Variants in RALGPS2 observed in about 807,000 individuals in gnomAD.
RALGPS2 encodes Ral GEF with PH domain and SH3 binding motif 2, also known as ras-specific guanine nucleotide-releasing factor RalGPS2.
RALGPS2 carries 43 observed loss-of-function variants against 86.8 expected under a neutral mutation model. The ratio of observed to expected loss-of-function variants is 0.50; its 90% CI spans 0.39 to 0.64. The LOEUF is 0.64. Among genes scored for constraint, RALGPS2 ranks in the 30% least tolerant of loss-of-function variants. RALGPS2 has a pLI of 0.00. For synonymous variants in RALGPS2, 243 were observed against 231.3 expected, an observed-to-expected ratio of 1.05 and a Z score of -0.46; for missense variants, 536 against 694.6, an observed-to-expected ratio of 0.77 and a Z score of 2.57.
chr1:178,895,520 C>T (rs185541191), intron 16 of RALGPS2, among the ~76,000 whole-genome samples: 164 of 152,126 alleles, frequency 1.1e-3, no homozygotes, highest in African/African-American at 3.6e-3. Context: ...AGGGATGCCA[C>T]CATGGCAAAA....
chr1:178,776,939 C>T (rs1572320586), intron 2 of RALGPS2, 118 bp downstream of exon 2: 19 of 742,302 alleles, frequency 2.6e-5, no homozygotes, highest in African/African-American at 3.7e-5. Context: ...ATACACATTT[C>T]CTTTTTTTTT....
At chr1:178,798,864 G>A (rs777270105) in intron 4 of RALGPS2, among the ~76,000 whole-genome samples, 1 of 152,248 alleles carries the variant, frequency 6.6e-6, no homozygotes, top group African/African-American at 2.4e-5. Flanking sequence ...AGTATCTAAA[G>A]CTGGAGAATT....
intron 8 of RALGPS2, among the ~76,000 whole-genome samples, chr1:178,861,949 T>G (rs998715895): frequency 2.0e-5 from 3 of 152,004 alleles, no homozygotes; most frequent in Non-Finnish European, 2.9e-5. Context: ...CTCGGCTCAC[T>G]GCAACCTCCG....
At chr1:178,902,381 G>T (rs775514849) in intron 18 of RALGPS2, among the ~76,000 whole-genome samples, 170 bp downstream of exon 18, 6 of 152,058 alleles carry the variant, frequency 3.9e-5, no homozygotes, top group Admixed American at 6.6e-5. Flanking sequence ...GAAAGTATTT[G>T]TGTAGTTTTA....
intron 8 of RALGPS2, among the ~76,000 whole-genome samples, chr1:178,833,848 A>ATAGTT (rs1447744209): frequency 2.6e-5 from 4 of 152,132 alleles, no homozygotes; most frequent in Non-Finnish European, 4.4e-5. Context: ...AAAGAATATA[A>ATAGTT]TAGTTCGTAA....
Position 178,916,432 on chromosome 1 carries a change from T to C in RALGPS2, c.*73T>C. ...GAGGACCTGATAAAAGAGCGCCAGC[T>C]ATAAACCATCCTGTGCCAGGAAGAG... On this transcript the variant is annotated 3_prime_UTR_variant, in exon 20 of 20. Coordinates refer to ENST00000367635, the MANE Select transcript of RALGPS2 (RefSeq NM_152663.5). 4 of 1,418,206 alleles carry C rather than the reference T, an allele frequency of 2.8e-6. No homozygotes were observed. The highest frequency in any genetic ancestry group is 2.3e-5 in the East Asian group (1 of 43,304). The allele number at this position is 1,418,206 out of a possible 1,614,324, so 87.9% of individuals were successfully genotyped here.
intron 1 of RALGPS2, chr1:178,747,546 C>A: frequency 6.2e-7 from 1 of 1,612,044 alleles, no homozygotes; most frequent in South Asian, 1.1e-5. Flanking sequence ...TGCTGCCAAA[C>A]CATAAGCCAG....
Position 178,917,181 on chromosome 1 carries a change from G to C in RALGPS2, c.*822G>C, listed in dbSNP as rs1660844156. The C allele has an allele frequency of 6.6e-6, 1 of 152,022 alleles. No individual in the cohort carries two copies. Among genetic ancestry groups the C allele is most frequent in the Non-Finnish European group, 1.5e-5 (1 of 67,996 alleles). The allele number at this position is 152,022 out of a possible 1,614,324, so 9.4% of individuals were successfully genotyped here. A position where few individuals can be genotyped will look rare whatever the true frequency, so the allele number is the denominator to read the frequency against. On this transcript the variant is annotated 3_prime_UTR_variant, in exon 20 of 20. Transcript: ENST00000367635. ...GTTTAGCTTTCTATATGAATTCATTGTTGGACCACAGATCTGCTTAAGTAA... is the reference window on the plus strand; with the variant it reads ...GTTTAGCTTTCTATATGAATTCATTCTTGGACCACAGATCTGCTTAAGTAA...
chr1:178,736,110 C>T (rs552687724), intron 1 of RALGPS2, among the ~76,000 whole-genome samples: 25 of 150,956 alleles, frequency 1.7e-4, no homozygotes, highest in Non-Finnish European at 2.9e-4. Context: ...GCTTTAAAAA[C>T]GTATATATGT....
chr1:178,860,454 A>T (rs940347163), intron 8 of RALGPS2, among the ~76,000 whole-genome samples: 3 of 152,234 alleles, frequency 2.0e-5, no homozygotes, highest in Non-Finnish European at 4.4e-5. Context: ...TGTGATATGC[A>T]TAATTACTGT....
intron 8 of RALGPS2, among the ~76,000 whole-genome samples, chr1:178,836,812 A>C (rs1302163266): frequency 1.3e-5 from 2 of 151,728 alleles, no homozygotes. Context: ...ACAGGGTCTC[A>C]CTCTGTCATC....
intron 16 of RALGPS2, among the ~76,000 whole-genome samples, chr1:178,895,488 G>A (rs1233456685): frequency 6.6e-6 from 1 of 152,044 alleles, no homozygotes; most frequent in Non-Finnish European, 1.5e-5. Context: ...AATGTCATAG[G>A]ATACAGAATG....
At chr1:178,740,597 G>C (rs957231251) in intron 1 of RALGPS2, among the ~76,000 whole-genome samples, 1 of 152,190 alleles carries the variant, frequency 6.6e-6, no homozygotes. Context: ...AGATGAGGAA[G>C]CCATTTGGTA....
intron 8 of RALGPS2, chr1:178,865,056 T>C (rs1658294187): frequency 1.1e-5 from 16 of 1,514,942 alleles, no homozygotes; most frequent in Non-Finnish European, 1.4e-5. Flanking sequence ...CCTGGATCCC[T>C]CTGAATCTCG....
rs1572366948 is a variant in RALGPS2, at chr1:178,821,754, A to G, written c.480+50A>G. On this transcript the variant is annotated intron_variant, in intron 7 of 19. Transcript: ENST00000367635. ...AAAGGTTAGACTTCCTGTGGAAAGG[A>G]AAGATATATTCATTTCCTTTGTAAT... The G allele has an allele frequency of 2.3e-6, 3 of 1,319,598 alleles. No individual in the cohort carries two copies. The East Asian group carries it at 6.9e-5, about 30-fold the overall frequency. The allele number at this position is 1,319,598 out of a possible 1,614,324, so 81.7% of individuals were successfully genotyped here. A position where few individuals can be genotyped will look rare whatever the true frequency, so the allele number is the denominator to read the frequency against.
chr1:178,824,840 T>C (rs914891215), intron 7 of RALGPS2, among the ~76,000 whole-genome samples: 2 of 151,934 alleles, frequency 1.3e-5, no homozygotes, highest in African/African-American at 4.8e-5. Flanking sequence ...AAAGATAGTT[T>C]ATCCATTTTA....
At chr1:178,834,993 G>A (rs1656205386) in intron 8 of RALGPS2, among the ~76,000 whole-genome samples, 1 of 152,166 alleles carries the variant, frequency 6.6e-6, no homozygotes, top group Non-Finnish European at 1.5e-5. Flanking sequence ...GGCCAGGCTG[G>A]TCTTGAACTC....
At chr1:178,912,443 A>T (rs1660662084) in intron 19 of RALGPS2, among the ~76,000 whole-genome samples, 1 of 152,086 alleles carries the variant, frequency 6.6e-6, no homozygotes, top group African/African-American at 2.4e-5. Context: ...TTCACTTATG[A>T]AGCTTAGTTT....
intron 1 of RALGPS2, among the ~76,000 whole-genome samples, chr1:178,729,126 T>G (rs555058641): frequency 6.6e-6 from 1 of 152,280 alleles, no homozygotes; most frequent in South Asian, 2.1e-4. Context: ...TAATTGATAG[T>G]TTTCTGTTAT....
Sources: allele counts gnomAD v4.1 joint callset (sites outside exome capture counted in the v4.1 genomes callset), GRCh38; gene constraint gnomAD v4.1.1; transcripts MANE v1.5; gene names NCBI Gene and HGNC (gene_info 2026-07-23, HGNC 2026-07-21).